The following HIP1 variants were observed in gnomAD, a reference collection of about 807,000 sequenced individuals.
HIP1 encodes huntingtin interacting protein 1.
Under a neutral mutation model 147.6 loss-of-function variants are expected in HIP1, and 65 were observed. The ratio of observed to expected loss-of-function variants is 0.44; its 90% CI spans 0.36 to 0.54. HIP1 has a LOEUF of 0.54. HIP1 is among the 20% of genes least tolerant of loss of function. HIP1 has a pLI of 0.00. For synonymous variants in HIP1, 479 were observed against 504.0 expected (o/e 0.95, Z 0.67); for missense variants, 1,061 against 1,299.6 (o/e 0.82, Z 2.82).
intron 1 of HIP1, among the ~76,000 whole-genome samples, chr7:75,715,161 A>C (rs1457105606): frequency 6.6e-6 from 1 of 151,362 alleles, no homozygotes; most frequent in Non-Finnish European, 1.5e-5. Context: ...AGGCCAAGGC[A>C]GGAGGATCAC....
intron 2 of HIP1, among the ~76,000 whole-genome samples, chr7:75,596,372 G>T (rs1222707183): frequency 1.3e-5 from 2 of 151,946 alleles, no homozygotes; most frequent in Non-Finnish European, 2.9e-5. Flanking sequence ...GTTAGGGCTG[G>T]ACTGTTAAAT....
At chr7:75,595,105 C>T (rs1174200552) in intron 2 of HIP1, among the ~76,000 whole-genome samples, 1 of 152,088 alleles carries the variant, frequency 6.6e-6, no homozygotes, top group Non-Finnish European at 1.5e-5. Context: ...CTCCTTTCCT[C>T]GATGACATCT....
rs1295418041 is a variant in HIP1 at position 75,534,831 on chromosome 7, C to T, written c.*3341G>A. Reference sequence around the variant, plus strand: ...ATGCAGCTGTTTTTTAACTTCTTGTCGATCCTAAGCCATGATTTTGTTGCT... The same window carrying T: ...ATGCAGCTGTTTTTTAACTTCTTGTTGATCCTAAGCCATGATTTTGTTGCT... On this transcript the variant is annotated 3_prime_UTR_variant, in exon 31 of 31. Coordinates refer to ENST00000336926, the MANE Select transcript of HIP1 (RefSeq NM_005338.7). 1.5e-5 allele frequency: 3 copies of T among 202,752 alleles called. No individual in the cohort carries two copies. Among genetic ancestry groups the T allele is most frequent in the African/African-American group, 4.6e-5 (2 of 43,616 alleles). The allele number at this position is 202,752 out of a possible 1,614,324, so 12.6% of individuals were successfully genotyped here. A position where few individuals can be genotyped will look rare whatever the true frequency, so the allele number is the denominator to read the frequency against.
chr7:75,727,234 G>C (rs1216735846), intron 1 of HIP1, among the ~76,000 whole-genome samples: 1 of 151,916 alleles, frequency 6.6e-6, no homozygotes, highest in Non-Finnish European at 1.5e-5. Flanking sequence ...CCTAGGCCGA[G>C]TAGCTGGGAC....
At chr7:75,601,953 A>G (rs1249607776) in intron 1 of HIP1, among the ~76,000 whole-genome samples, 4 of 150,898 alleles carry the variant, frequency 2.7e-5, no homozygotes, top group Non-Finnish European at 4.4e-5. Flanking sequence ...AAAAACTTTG[A>G]CCCAGTAATC....
rs1241170516 is a variant in HIP1, at chr7:75,567,075, G to T, written c.803+1124C>A. Among the ~76,000 whole-genome samples, 2 of 150,998 alleles carry T rather than the reference G, an allele frequency of 1.3e-5. 1 individual carries two copies. The highest frequency in any genetic ancestry group is 2.9e-5 in the Non-Finnish European group (2 of 67,994). On this transcript the variant is annotated intron_variant, in intron 9 of 30. Transcript: ENST00000336926. Reference sequence around the variant, plus strand: ...TGCAGTAAGCCAAGATCACACCACCGCACTCAAGCCTGGGTGACAGAGCGA... The same window carrying T: ...TGCAGTAAGCCAAGATCACACCACCTCACTCAAGCCTGGGTGACAGAGCGA...
intron 22 of HIP1, among the ~76,000 whole-genome samples, chr7:75,551,152 AACTCTATTATTT>A (rs1194854665): frequency 4.8e-5 from 7 of 145,764 alleles, no homozygotes; most frequent in African/African-American, 1.8e-4. Flanking sequence ...ATGTGAAACT[AACTCTATTATTT>A]AGGGAGGCAA....
At chr7:75,619,942 C>T (rs941392150) in intron 1 of HIP1, among the ~76,000 whole-genome samples, 9 of 152,154 alleles carry the variant, frequency 5.9e-5, no homozygotes, top group African/African-American at 1.2e-4. Context: ...TCTGTTTCAC[C>T]GTGATCACGG....
At chr7:75,559,707 G>GCCCCCCCCCCCCCCCCCCCCCC in intron 14 of HIP1, 25 bp downstream of exon 14, 1 of 1,087,362 alleles carries the variant, frequency 9.2e-7, no homozygotes, top group Non-Finnish European at 1.2e-6. Context: ...CCCGGGGCCC[G>GCCCCCCCCCCCCCCCCCCCCCC]CCCCCGCCCC....
rs1202928449 is a variant in HIP1, at chr7:75,709,876, T to G, written c.120+28925A>C. On this transcript the variant is annotated intron_variant, in intron 1 of 30. Coordinates refer to ENST00000336926, the MANE Select transcript of HIP1 (RefSeq NM_005338.7). ...TTTCCTCTATTCCTAGTTTGTTGAG[T>G]GTTTTTTTGTTTCTTTGTTTTTGAG... Among the ~76,000 whole-genome samples, 22 of 152,020 alleles carry G rather than the reference T, an allele frequency of 1.4e-4. No individual in the cohort carries two copies. The East Asian group carries it at 4.3e-3, about 29-fold the overall frequency.
In HIP1 at chr7:75,546,953, C is replaced by T. The variant is rs372570648; in HGVS notation, c.2545G>A (p.Val849Met). Residue 849 changes from valine to methionine, a missense_variant, in exon 25 of 31, where the codon GTG (valine) becomes ATG (methionine). By Grantham distance (21) the Val-to-Met change is conservative (BLOSUM62 1). This residue lies in a region of HIP1 where 810 missense variants were observed against 946.8 expected (regional missense o/e 0.86). Coordinates refer to ENST00000336926, the MANE Select transcript of HIP1 (RefSeq NM_005338.7). ...CCCACGCTCACCCTGCCGCTCTCCACAATCTCTCTCTGGAGGTCCTTAGAG... is the reference window on the plus strand; with the variant it reads ...CCCACGCTCACCCTGCCGCTCTCCATAATCTCTCTCTGGAGGTCCTTAGAG... The part of the protein sequence containing the change: ...VASKDLQREI[V>M]ESGRGTASPK... 2.2e-5 allele frequency: 34 copies of T among 1,573,892 alleles called. No homozygotes were observed. Among genetic ancestry groups the T allele is most frequent in the Non-Finnish European group, 2.2e-5 (25 of 1,158,306 alleles).
rs1049459303 is a variant in HIP1 at position 75,684,888 on chromosome 7, G to T, written c.120+53913C>A. Among the ~76,000 whole-genome samples the T allele has an allele frequency of 2.6e-5, 4 of 151,938 alleles. No homozygotes were observed. The East Asian group carries it at 7.7e-4, about 29-fold the overall frequency. On this transcript the variant is annotated intron_variant, in intron 1 of 30. Transcript: ENST00000336926. ...AGGCGGATAACAAGGTCAGGAGATC[G>T]AGACCATCCTGGCTAACATGGTGAA...
chr7:75,681,840 C>T (rs1800083449), intron 1 of HIP1, among the ~76,000 whole-genome samples: 1 of 151,790 alleles, frequency 6.6e-6, no homozygotes, highest in African/African-American at 2.4e-5. Context: ...TGCTTGTCAT[C>T]CCATTTTGAA....
At chr7:75,584,438 A>T (rs782653406) in intron 5 of HIP1, among the ~76,000 whole-genome samples, 5 of 152,018 alleles carry the variant, frequency 3.3e-5, no homozygotes, top group Non-Finnish European at 5.9e-5. Flanking sequence ...GCTCCTCCAC[A>T]CTTGGACAAT....
At chr7:75,612,012 T>A (rs587701048) in intron 1 of HIP1, 105 of 285,580 alleles carry the variant, frequency 3.7e-4, no homozygotes, top group Non-Finnish European at 5.3e-4. Context: ...GTGGGCCCAG[T>A]TGGACACTGT....
intron 3 of HIP1, 39 bp from the exon 4 acceptor site, chr7:75,592,151 A>G: frequency 1.9e-6 from 3 of 1,587,694 alleles, no homozygotes; most frequent in Non-Finnish European, 2.6e-6. Context: ...AGAATGGAGA[A>G]GGAAAGAAAG....
At chr7:75,624,936 ATTTTTT>A (rs57832648) in intron 1 of HIP1, among the ~76,000 whole-genome samples, 30 of 139,216 alleles carry the variant, frequency 2.2e-4, no homozygotes, top group African/African-American at 6.4e-4. Context: ...TTTTTGTTTA[ATTTTTT>A]TTTTTTTTTT....
At chr7:75,641,493 C>CT (rs1319663029) in intron 1 of HIP1, among the ~76,000 whole-genome samples, 22 of 80,158 alleles carry the variant, frequency 2.7e-4, no homozygotes, top group Non-Finnish European at 3.5e-4. Context: ...TCCTTGTTTG[C>CT]TTTTTTTTTT....
At position 75,601,590 on chromosome 7, in the gene HIP1, G is replaced by A. The variant is rs927769271; in HGVS notation, c.121-2343C>T. Among the ~76,000 whole-genome samples the A allele has an allele frequency of 2.0e-5, 3 of 146,732 alleles. No individual in the cohort carries two copies. The Admixed American group carries it at 2.1e-4, about 10-fold the overall frequency. ...CAGCCTGGCTGAGAGAGCTCTCAGC[G>A]ACAACAAAACTCTCAACAACAACAA... On this transcript the variant is annotated intron_variant, in intron 1 of 30. Transcript: ENST00000336926.
Sources: gnomAD v4.1 joint callset for allele counts (sites outside exome capture counted in the v4.1 genomes callset) on GRCh38, gnomAD v4.1.1 for gene constraint, gnomAD v4.1.1 regional missense constraint, MANE v1.5 for transcripts, NCBI Gene and HGNC (gene_info 2026-07-23, HGNC 2026-07-21) for gene names.